The following LRMDA variants were observed in gnomAD, a reference collection of about 807,000 sequenced individuals.
LRMDA encodes leucine-rich melanocyte differentiation-associated protein.
LRMDA carries 18 observed loss-of-function variants against 29.8 expected under a neutral mutation model. That is an observed-to-expected ratio of 0.60 (90% CI 0.42 to 0.90). LRMDA has a LOEUF of 0.90. LRMDA is among the 40% of genes least tolerant of loss of function. The pLI is 0.00. For missense variants in LRMDA, 273 were observed against 273.9 expected, an observed-to-expected ratio of 1.00 and a Z score of 0.02; for synonymous variants, 125 against 109.4, an observed-to-expected ratio of 1.14 and a Z score of -0.89.
intron 2 of LRMDA, among the ~76,000 whole-genome samples, chr10:75,581,576 A>T (rs1159364575): frequency 0.012 from 1,814 of 152,242 alleles, 31 homozygotes; most frequent in African/African-American, 0.039. Context: ...GTATATACCC[A>T]AAGGATTATA....
At chr10:75,985,969 G>A (rs1847255954) in intron 2 of LRMDA, among the ~76,000 whole-genome samples, 1 of 152,224 alleles carries the variant, frequency 6.6e-6, no homozygotes, top group South Asian at 2.1e-4. Flanking sequence ...AAAGGCTCTT[G>A]TATCAACAGG....
In LRMDA at chr10:75,569,919, C is replaced by T. The variant is rs150906524; in HGVS notation, c.131+131425C>T. On this transcript the variant is annotated intron_variant, in intron 2 of 6. Coordinates refer to ENST00000611255, the MANE Select transcript of LRMDA (RefSeq NM_001305581.2). ...GGAGGCAGTTTTGTTGAAGGCATGGCCAATGCTGTTCTCCAGGCTGATAGA... is the reference window on the plus strand; with the variant it reads ...GGAGGCAGTTTTGTTGAAGGCATGGTCAATGCTGTTCTCCAGGCTGATAGA... Among the ~76,000 whole-genome samples the T allele has an allele frequency of 1.8e-4, 27 of 152,314 alleles. No homozygotes were observed. The East Asian group carries it at 4.6e-3, about 26-fold the overall frequency.
intron 5 of LRMDA, among the ~76,000 whole-genome samples, chr10:76,207,637 C>T (rs536593894): frequency 1.3e-5 from 2 of 152,264 alleles, no homozygotes; most frequent in African/African-American, 2.4e-5. Context: ...GATCATCTCG[C>T]CTTTTCCACC....
chr10:75,696,467 G>T (rs1383218324), intron 2 of LRMDA, among the ~76,000 whole-genome samples: 1 of 152,218 alleles, frequency 6.6e-6, no homozygotes, highest in East Asian at 1.9e-4. Context: ...GAACTGGAAA[G>T]ATTTGGTAAG....
At chr10:75,628,595 C>T (rs909181791) in intron 2 of LRMDA, among the ~76,000 whole-genome samples, 3 of 152,178 alleles carry the variant, frequency 2.0e-5, no homozygotes, top group Non-Finnish European at 4.4e-5. Context: ...TGCAAACTAT[C>T]GAAACAATTC....
chr10:75,871,264 C>T (rs989627449), intron 2 of LRMDA, among the ~76,000 whole-genome samples: 13 of 152,210 alleles, frequency 8.5e-5, no homozygotes, highest in Middle Eastern at 3.2e-3. Context: ...TAGTTTCCTG[C>T]TGATGGTGTC....
intron 2 of LRMDA, among the ~76,000 whole-genome samples, chr10:75,636,449 A>G (rs1841391116): frequency 6.6e-6 from 1 of 152,242 alleles, no homozygotes; most frequent in Non-Finnish European, 1.5e-5. Flanking sequence ...CATTTAGCAC[A>G]ATGCTGGTAC....
rs573893280 is a variant in LRMDA, at chr10:76,311,150, CTG to C, written c.517-13249_517-13248del. Among the ~76,000 whole-genome samples the C allele has an allele frequency of 1.7e-3, 252 of 152,304 alleles. 3 individuals carry two copies. The highest frequency in any genetic ancestry group is 0.014 in the East Asian group (73 of 5,178). On this transcript the variant is annotated intron_variant, in intron 5 of 6. Transcript: ENST00000611255. The stretch of plus-strand genomic sequence containing the variant: ...GCAGAACAAAAGCCAGTATTTGACT[CTG>C]TTTTTAAGTAACCCAAGAATGCACA...
At chr10:76,529,773 C>T (rs1014834381) in intron 6 of LRMDA, among the ~76,000 whole-genome samples, 3 of 152,060 alleles carry the variant, frequency 2.0e-5, no homozygotes, top group Admixed American at 1.3e-4. Context: ...GTAGAAAATG[C>T]CCTTTTGGCA....
At position 75,885,352 on chromosome 10, in the gene LRMDA, A is replaced by T. The variant is rs1845369248; in HGVS notation, c.132-150656A>T. 2.0e-5 allele frequency among the ~76,000 whole-genome samples: 3 copies of T among 152,132 alleles called. No individual in the cohort carries two copies. The South Asian group carries it at 6.2e-4, about 32-fold the overall frequency. ...AGTAACTGTTTCGGATGTGATCCTC[A>T]TCAGATATATTTCTACCTACTAGTT... On this transcript the variant is annotated intron_variant, in intron 2 of 6. Transcript: ENST00000611255.
At chr10:75,788,244 T>C (rs1216703038) in intron 2 of LRMDA, among the ~76,000 whole-genome samples, 3 of 152,216 alleles carry the variant, frequency 2.0e-5, no homozygotes, top group Non-Finnish European at 2.9e-5. Flanking sequence ...ATGGGAGTTT[T>C]AGTTTCTTTT....
chr10:76,132,699 C>T (rs1032897746), intron 5 of LRMDA, among the ~76,000 whole-genome samples: 8 of 152,052 alleles, frequency 5.3e-5, no homozygotes, highest in Non-Finnish European at 8.8e-5. Context: ...TATCGGAGTA[C>T]GAGTATCGGA....
chr10:76,514,426 T>C (rs989390744), intron 6 of LRMDA, among the ~76,000 whole-genome samples: 2 of 152,146 alleles, frequency 1.3e-5, no homozygotes, highest in Non-Finnish European at 2.9e-5. Flanking sequence ...TTGGTTCAGA[T>C]GTCAAGACGG....
intron 5 of LRMDA, among the ~76,000 whole-genome samples, chr10:76,139,011 T>C (rs1025143759): frequency 6.6e-6 from 1 of 152,276 alleles, no homozygotes; most frequent in East Asian, 1.9e-4. Flanking sequence ...TGCCCTTTAG[T>C]TTGGTGTGTT....
At chr10:76,054,216 C>T (rs747127526) in intron 4 of LRMDA, among the ~76,000 whole-genome samples, 8 of 152,138 alleles carry the variant, frequency 5.3e-5, no homozygotes, top group Non-Finnish European at 1.0e-4. Flanking sequence ...TCAGATGGAA[C>T]TATTTGGGGC....
intron 2 of LRMDA, among the ~76,000 whole-genome samples, chr10:75,931,027 G>T (rs549486692): frequency 6.6e-6 from 1 of 152,272 alleles, no homozygotes; most frequent in South Asian, 2.1e-4. Context: ...TTTGCCAACT[G>T]AAACCCCAAG....
chr10:75,626,534 G>A (rs1375723801), intron 2 of LRMDA, among the ~76,000 whole-genome samples: 2 of 152,190 alleles, frequency 1.3e-5, no homozygotes, highest in East Asian at 1.9e-4. Context: ...CAAGTTGCTA[G>A]GGAGGGGAAG....
chr10:75,919,138 TG>T (rs1162309355), intron 2 of LRMDA, among the ~76,000 whole-genome samples: 1 of 152,200 alleles, frequency 6.6e-6, no homozygotes, highest in African/African-American at 2.4e-5. Context: ...GTGAATTGAC[TG>T]AAGTCATAGA....
At chr10:76,411,715 G>A (rs143101979) in intron 6 of LRMDA, among the ~76,000 whole-genome samples, 3 of 152,346 alleles carry the variant, frequency 2.0e-5, no homozygotes, top group African/African-American at 7.2e-5. Flanking sequence ...TGAATGCAAC[G>A]GTGCCAGCAG....
Sources: gnomAD v4.1 joint callset for allele counts (sites outside exome capture counted in the v4.1 genomes callset) on GRCh38, gnomAD v4.1.1 for gene constraint, MANE v1.5 for transcripts, NCBI Gene and HGNC (gene_info 2026-07-23, HGNC 2026-07-21) for gene names.